LINGO2: variants seen among roughly 807,000 people sequenced by gnomAD.
LINGO2 encodes the protein leucine-rich repeat and immunoglobulin-like domain-containing nogo receptor-interacting protein 2.
In LINGO2, 14 loss-of-function variants were observed where a neutral mutation model predicts 30.6. That is an observed-to-expected ratio of 0.46 (90% CI 0.30 to 0.72). The LOEUF is 0.72. Among genes scored for constraint, LINGO2 ranks in the 30% least tolerant of loss-of-function variants. The probability of loss-of-function intolerance (pLI) is 0.07; values close to 1 mark genes in which losing one functional copy is unlikely to be tolerated. For synonymous variants in LINGO2, 317 were observed against 288.5 expected (o/e 1.10, Z -1.00); for missense variants, 729 against 751.7 (o/e 0.97, Z 0.35).
the LINGO2 span, among the ~76,000 whole-genome samples, chr9:29,158,568 A>G: frequency 6.6e-6 from 1 of 152,052 alleles, no homozygotes; most frequent in African/African-American, 2.4e-5. Context: ...ATTTTCTCCA[A>G]AGCATCTCAG....
the LINGO2 span, among the ~76,000 whole-genome samples, chr9:28,936,815 TCA>T: frequency 6.6e-6 from 1 of 152,196 alleles, no homozygotes; most frequent in Non-Finnish European, 1.5e-5. Flanking sequence ...TAACGATATA[TCA>T]CAGACTGGAT....
At chr9:28,743,815 T>G in the LINGO2 span, among the ~76,000 whole-genome samples, 1 of 151,952 alleles carries the variant, frequency 6.6e-6, no homozygotes, top group East Asian at 1.9e-4. Context: ...TTGATACTAC[T>G]GGTAGTTCAA....
intron 2 of LINGO2, among the ~76,000 whole-genome samples, chr9:28,440,739 C>T (rs1435110016): frequency 6.6e-6 from 1 of 152,138 alleles, no homozygotes; most frequent in Admixed American, 6.5e-5. Context: ...ACAGAGATCA[C>T]ATTAGAATAA....
At chr9:28,580,684 C>T (rs1042035357) in intron 1 of LINGO2, among the ~76,000 whole-genome samples, 4 of 151,868 alleles carry the variant, frequency 2.6e-5, no homozygotes, top group African/African-American at 9.7e-5. Flanking sequence ...GTTAAGGGCA[C>T]CAGCACTTTG....
At chr9:29,207,313 C>T in the LINGO2 span, among the ~76,000 whole-genome samples, 5 of 152,172 alleles carry the variant, frequency 3.3e-5, no homozygotes, top group African/African-American at 1.2e-4. Context: ...TGTTGACTCT[C>T]CTGGTGTACC....
intron 4 of LINGO2, among the ~76,000 whole-genome samples, chr9:28,284,697 A>G (rs1823444687): frequency 6.6e-6 from 1 of 152,194 alleles, no homozygotes; most frequent in Non-Finnish European, 1.5e-5. Flanking sequence ...TTAGAGAATT[A>G]TGTCAACAGA....
chr9:28,196,607 C>T (rs555450214), intron 4 of LINGO2, among the ~76,000 whole-genome samples: 1 of 151,990 alleles, frequency 6.6e-6, no homozygotes, highest in South Asian at 2.1e-4. Context: ...GAGGTCCTTA[C>T]AAATGCAAAA....
chr9:29,189,010 T>C, the LINGO2 span, among the ~76,000 whole-genome samples: 169 of 125,836 alleles, frequency 1.3e-3, 2 homozygotes, highest in Admixed American at 9.8e-3. Context: ...GGCGGGGGGC[T>C]GACCCCCCCA....
intron 4 of LINGO2, among the ~76,000 whole-genome samples, chr9:28,182,946 C>T (rs1819410957): frequency 6.6e-6 from 1 of 152,136 alleles, no homozygotes; most frequent in Non-Finnish European, 1.5e-5. Context: ...ACTCAGCAAT[C>T]CCATTACAGG....
intron 4 of LINGO2, among the ~76,000 whole-genome samples, chr9:28,092,412 T>A (rs959605910): frequency 5.3e-5 from 8 of 151,986 alleles, no homozygotes; most frequent in African/African-American, 7.3e-5. Flanking sequence ...TGGATGAAGC[T>A]GGAAACCATC....
At chr9:28,995,064 C>T in the LINGO2 span, among the ~76,000 whole-genome samples, 1 of 151,908 alleles carries the variant, frequency 6.6e-6, no homozygotes, top group Non-Finnish European at 1.5e-5. Context: ...AAAGAAACTA[C>T]CATCAGAGTG....
the LINGO2 span, among the ~76,000 whole-genome samples, chr9:28,707,667 G>A: frequency 6.6e-6 from 1 of 152,034 alleles, no homozygotes; most frequent in Admixed American, 6.6e-5. Context: ...TCCTCCCACT[G>A]TCACTCTCCC....
chr9:28,731,334 T>C, the LINGO2 span, among the ~76,000 whole-genome samples: 2 of 152,104 alleles, frequency 1.3e-5, no homozygotes, highest in Non-Finnish European at 2.9e-5. Context: ...CAATCTGTGG[T>C]ACATTCACAC....
In LINGO2 at chr9:28,606,143, C is replaced by T. The variant is rs75208734; in HGVS notation, c.-365+64057G>A. 8.2e-3 allele frequency among the ~76,000 whole-genome samples: 1,251 copies of T among 152,048 alleles called. 13 individuals are homozygous for T. The highest frequency in any genetic ancestry group is 0.02 in the Middle Eastern group (6 of 294). On this transcript the variant is annotated intron_variant, in intron 1 of 5. Coordinates refer to ENST00000379992, the Ensembl canonical transcript of LINGO2. ...ATTTCTCTCAGTTAAAATAGTGGGTCTGAGAAGATGTTTTGATATGTCTGC... is the reference window on the plus strand; with the variant it reads ...ATTTCTCTCAGTTAAAATAGTGGGTTTGAGAAGATGTTTTGATATGTCTGC...
intron 4 of LINGO2, among the ~76,000 whole-genome samples, chr9:28,179,517 TTA>T (rs1393563570): frequency 9.4e-6 from 1 of 106,138 alleles, no homozygotes; most frequent in African/African-American, 3.6e-5. Flanking sequence ...TATATATAGT[TTA>T]TATATATAAA....
chr9:28,380,356 A>C (rs994059003), intron 2 of LINGO2, among the ~76,000 whole-genome samples: 3 of 150,486 alleles, frequency 2.0e-5, no homozygotes, highest in African/African-American at 7.3e-5. Flanking sequence ...GACATCGTAG[A>C]GGGGAGTAAA....
At chr9:28,374,308 T>C (rs987892185) in intron 2 of LINGO2, among the ~76,000 whole-genome samples, 1 of 150,774 alleles carries the variant, frequency 6.6e-6, no homozygotes, top group Non-Finnish European at 1.5e-5. Context: ...TAATAAGAGG[T>C]TGAAGAGGGA....
At chr9:28,517,185 T>C (rs1446160894) in intron 1 of LINGO2, among the ~76,000 whole-genome samples, 2 of 152,170 alleles carry the variant, frequency 1.3e-5, no homozygotes, top group African/African-American at 4.8e-5. Flanking sequence ...TACAGACAAA[T>C]GAGTATAAGT....
At chr9:28,057,521 G>GTA (rs1360465792) in intron 4 of LINGO2, among the ~76,000 whole-genome samples, 4 of 94,670 alleles carry the variant, frequency 4.2e-5, no homozygotes, top group Non-Finnish European at 5.0e-5. Context: ...ATATATGTGT[G>GTA]TATATATATA....
Sources: gnomAD v4.1 joint callset for allele counts (sites outside exome capture counted in the v4.1 genomes callset) on GRCh38, gnomAD v4.1.1 for gene constraint, MANE v1.5 for transcripts, NCBI Gene and HGNC (gene_info 2026-07-23, HGNC 2026-07-21) for gene names.